Variants in COPE observed in about 807,000 individuals in gnomAD.
COPE encodes the protein coat protein complex I subunit epsilon.
Under a neutral mutation model 42.1 loss-of-function variants are expected in COPE, and 19 were observed. That is an observed-to-expected ratio of 0.45 (90% CI 0.31 to 0.66). COPE has a LOEUF of 0.66. COPE is among the 30% of genes least tolerant of loss of function. COPE has a pLI of 0.05. For synonymous variants in COPE, 195 were observed against 181.3 expected (o/e 1.08, Z -0.60); for missense variants, 402 against 416.1 (o/e 0.97, Z 0.30).
intron 3 of COPE, among the ~76,000 whole-genome samples, chr19:18,907,728 G>A (rs1454584707): frequency 1.3e-5 from 2 of 152,218 alleles, no homozygotes; most frequent in Non-Finnish European, 2.9e-5. Context: ...CATTCCCCAT[G>A]GCTATTGAGC....
intron 3 of COPE, among the ~76,000 whole-genome samples, chr19:18,908,852 G>A (rs1008719527): frequency 6.6e-6 from 1 of 152,040 alleles, no homozygotes; most frequent in Non-Finnish European, 1.5e-5. Flanking sequence ...ATACAAATTA[G>A]CCAGGCATGG....
intron 3 of COPE, 43 bp from the exon 4 acceptor site, chr19:18,907,155 C>T: frequency 6.3e-7 from 1 of 1,590,238 alleles, no homozygotes; most frequent in East Asian, 2.3e-5. Context: ...GGGGTGGCCT[C>T]TGTGGGACCT....
chr19:18,905,629 G>A lies in COPE; in HGVS notation c.444C>T (p.Cys148=), dbSNP rs1453653741. 2 of 1,592,252 alleles carry A rather than the reference G, an allele frequency of 1.3e-6. No homozygotes were observed. The highest frequency in any genetic ancestry group is 1.3e-5 in the African/African-American group (1 of 74,802). ...GCAGGATCTGCACTGTCATGGCTGT[G>A]CTGCAGGACAGGGCGAGGGGGCGGT... ...RALHQGDSLE[C]TAMTVQILLK... is the part of the protein sequence containing the mutation. Residue 148 remains cysteine (C), a splice_region_variant and synonymous_variant, in exon 5 of 10, where the codon TGC becomes TGT. Transcript: ENST00000262812.
At chr19:18,906,914 G>T in intron 4 of COPE, 46 bp downstream of exon 4, 1 of 1,521,934 alleles carries the variant, frequency 6.6e-7, no homozygotes. Flanking sequence ...TGTGGCAGGG[G>T]GCACTTGCCT....
intron 1 of COPE, among the ~76,000 whole-genome samples, chr19:18,914,705 T>C (rs1284730102): frequency 6.6e-6 from 1 of 151,272 alleles, no homozygotes; most frequent in Non-Finnish European, 1.5e-5. Context: ...GAGCACTGCT[T>C]GAGCCCAGGA....
At chr19:18,908,866 T>C (rs1274909676) in intron 3 of COPE, among the ~76,000 whole-genome samples, 2 of 151,954 alleles carry the variant, frequency 1.3e-5, no homozygotes, top group Non-Finnish European at 1.5e-5. Flanking sequence ...GGCATGGTGA[T>C]GCGTGCCTGT....
At chr19:18,908,152 C>A (rs1277091859) in intron 3 of COPE, among the ~76,000 whole-genome samples, 3 of 152,188 alleles carry the variant, frequency 2.0e-5, no homozygotes, top group Non-Finnish European at 4.4e-5. Flanking sequence ...ACCAATGGGG[C>A]CGGGTACTGT....
chr19:18,906,909 CA>C (rs2056764915), intron 4 of COPE, 50 bp downstream of exon 4: 2 of 1,515,814 alleles, frequency 1.3e-6, no homozygotes, highest in Admixed American at 2.1e-5. Flanking sequence ...GGAGATGTGG[CA>C]GGGGGCACTT....
chr19:18,911,026 G>C lies in COPE; in HGVS notation c.235C>G (p.Pro79Ala), dbSNP rs1002259641. The change falls in exon 3 of 10, where the codon CCT becomes GCT. Residue 79 changes from proline (P) to alanine (A), a missense_variant. Transcript: ENST00000262812. ...VLDEIKPSSA[P>A]ELQAVRMFAD... The stretch of plus-strand genomic sequence containing the variant: ...AACATGCGCACGGCCTGGAGCTCAG[G>C]GGCCGAGGAGGGCTTGATCTCATCC... 6.2e-7 allele frequency: 1 copy of C among 1,614,018 alleles called. No individual in the cohort carries two copies. The highest frequency in any genetic ancestry group is 8.5e-7 in the Non-Finnish European group (1 of 1,180,030).
intron 2 of COPE, among the ~76,000 whole-genome samples, chr19:18,911,772 T>C (rs2056813029): frequency 2.0e-5 from 3 of 151,434 alleles, no homozygotes; most frequent in East Asian, 1.9e-4. Flanking sequence ...CAGGATGGTC[T>C]CAATCTCCTG....
At chr19:18,917,658 C>A (rs1316246476) in intron 1 of COPE, among the ~76,000 whole-genome samples, 3 of 151,962 alleles carry the variant, frequency 2.0e-5, no homozygotes, top group Admixed American at 6.6e-5. Flanking sequence ...CCACCGCGCC[C>A]GGCCAGGAAA....
rs766480770 is a variant in COPE at position 18,906,946 on chromosome 19, G to C, written c.443+14C>G. 6 of 1,550,606 alleles carry C rather than the reference G, an allele frequency of 3.9e-6. No individual in the cohort carries two copies. The highest frequency in any genetic ancestry group is 1.2e-5 in the South Asian group (1 of 84,160). On this transcript the variant is annotated intron_variant, in intron 4 of 9. Transcript: ENST00000262812. ...GCCTCCCTGGGCTGGCCCCAGAGCAGGGAGGCCACTCACCACTCCAGGCTG... is the reference window on the plus strand; with the variant it reads ...GCCTCCCTGGGCTGGCCCCAGAGCACGGAGGCCACTCACCACTCCAGGCTG...
intron 5 of COPE, among the ~76,000 whole-genome samples, chr19:18,905,144 G>T (rs935394771): frequency 1.3e-5 from 2 of 152,162 alleles, no homozygotes; most frequent in African/African-American, 2.4e-5. Flanking sequence ...AAGGGCAACG[G>T]AACTACAGTG....
Position 18,905,644 on chromosome 19 carries a change from G to T in COPE, c.444-15C>A. ...TCATGGCTGTGCTGCAGGACAGGGC[G>T]AGGGGGCGGTCAGCGGGTCGCCACA... is the stretch of plus-strand genomic sequence containing the variant. On this transcript the variant is annotated splice_polypyrimidine_tract_variant and intron_variant, in intron 4 of 9. Coordinates refer to ENST00000262812, the MANE Select transcript of COPE (RefSeq NM_007263.4). 6.3e-7 allele frequency: 1 copy of T among 1,588,556 alleles called. No individual in the cohort carries two copies. The highest frequency in any genetic ancestry group is 8.5e-7 in the Non-Finnish European group (1 of 1,176,016).
At chr19:18,905,849 A>G in intron 4 of COPE, 1 of 558,958 alleles carries the variant, frequency 1.8e-6, no homozygotes, top group South Asian at 2.4e-5. Flanking sequence ...ATGGGGTTTC[A>G]GGCCCCGGCC....
intron 1 of COPE, among the ~76,000 whole-genome samples, chr19:18,917,616 G>A (rs944663546): frequency 2.6e-5 from 4 of 151,828 alleles, no homozygotes; most frequent in African/African-American, 9.7e-5. Context: ...TGATCCGCCC[G>A]CCTCCCAAAG....
chr19:18,916,812 T>A (rs1008135881), intron 1 of COPE, among the ~76,000 whole-genome samples: 2 of 147,894 alleles, frequency 1.4e-5, no homozygotes, highest in Non-Finnish European at 3.0e-5. Flanking sequence ...AAAAAAAAAA[T>A]TAGCTGGGTG....
At chr19:18,916,127 G>A (rs2145085034) in intron 1 of COPE, among the ~76,000 whole-genome samples, 1 of 152,250 alleles carries the variant, frequency 6.6e-6, no homozygotes, top group East Asian at 1.9e-4. Context: ...AGAGGTTGTG[G>A]TGAGCTGAGA....
chr19:18,917,086 G>C (rs1370643587), intron 1 of COPE, among the ~76,000 whole-genome samples: 1 of 151,532 alleles, frequency 6.6e-6, no homozygotes, highest in African/African-American at 2.4e-5. Context: ...CCCAGCTTTT[G>C]GTGACTGTTA....
Sources: allele counts gnomAD v4.1 joint callset (sites outside exome capture counted in the v4.1 genomes callset), GRCh38; gene constraint gnomAD v4.1.1; transcripts MANE v1.5; gene names NCBI Gene and HGNC (gene_info 2026-07-23, HGNC 2026-07-21).